The following NAV2 variants were observed in gnomAD, a reference collection of about 807,000 sequenced individuals.
NAV2 encodes the protein helicase, APC down-regulated 1.
Under a neutral mutation model 223.2 loss-of-function variants are expected in NAV2, and 54 were observed. That is an observed-to-expected ratio of 0.24 (90% CI 0.19 to 0.30). NAV2 has a LOEUF of 0.30. NAV2 is among the 10% of genes least tolerant of loss of function. NAV2 has a pLI of 1.00. For synonymous variants in NAV2, 1,279 were observed against 1,239.3 expected (o/e 1.03, Z -0.67); for missense variants, 2,806 against 3,147.5 (o/e 0.89, Z 2.60).
rs1290373227 is a variant in NAV2 at position 20,119,244 on chromosome 11, G to T, written c.*986G>T. 1 of 151,880 alleles carries T rather than the reference G, an allele frequency of 6.6e-6. No individual in the cohort carries two copies. Among genetic ancestry groups the T allele is most frequent in the Admixed American group, 6.6e-5 (1 of 15,238 alleles). The allele number at this position is 151,880 out of a possible 1,614,324, so 9.4% of individuals were successfully genotyped here. ...CAATCCTTTGGTGAAAGTAAGAACC[G>T]CAGGAGTTGAGTTTTGGTTTGGTCC... On this transcript the variant is annotated 3_prime_UTR_variant, in exon 38 of 38. Transcript: ENST00000349880.
chr11:19,471,045 A>G (rs994859662), intron 1 of NAV2, among the ~76,000 whole-genome samples: 2 of 152,156 alleles, frequency 1.3e-5, no homozygotes, highest in South Asian at 4.2e-4. Flanking sequence ...TCTCTTTCTA[A>G]TGAAGGACCA....
intron 22 of NAV2, among the ~76,000 whole-genome samples, chr11:20,074,851 G>T (rs2059627169): frequency 6.8e-6 from 1 of 146,272 alleles, no homozygotes; most frequent in African/African-American, 2.6e-5. Flanking sequence ...CGTGAGATGG[G>T]TCTCCTGAAT....
chr11:19,685,517 G>T (rs1467162983), intron 1 of NAV2, among the ~76,000 whole-genome samples: 1 of 152,168 alleles, frequency 6.6e-6, no homozygotes, highest in Non-Finnish European at 1.5e-5. Flanking sequence ...AGAGGAGGAA[G>T]GGTAACAGAT....
At chr11:19,963,804 A>C (rs543235856) in intron 10 of NAV2, among the ~76,000 whole-genome samples, 1 of 152,362 alleles carries the variant, frequency 6.6e-6, no homozygotes, top group African/African-American at 2.4e-5. Flanking sequence ...TGCGTGCTGG[A>C]AATGAAAACC....
At chr11:19,921,718 G>A (rs768927000) in intron 6 of NAV2, among the ~76,000 whole-genome samples, 1 of 152,106 alleles carries the variant, frequency 6.6e-6, no homozygotes, top group Non-Finnish European at 1.5e-5. Context: ...GCTCTAATCT[G>A]TTCGATCTTG....
chr11:19,852,184 G>A (rs1414666317), intron 3 of NAV2, among the ~76,000 whole-genome samples: 1 of 152,202 alleles, frequency 6.6e-6, no homozygotes, highest in Non-Finnish European at 1.5e-5. Flanking sequence ...AAGCCACTAA[G>A]TTTGTGGTTA....
rs923898112 is a variant in NAV2 at position 19,614,623 on chromosome 11, A to G, written c.76-217861A>G. ...CCAATGTCCATAGTTCACATTAGGG[A>G]TCACTCTTGGTGTCCTGCTGTCTTT... On this transcript the variant is annotated intron_variant, in intron 1 of 37. Coordinates refer to the NAV2 transcript ENST00000360655. Among the ~76,000 whole-genome samples, 3 of 152,126 alleles carry G rather than the reference A, an allele frequency of 2.0e-5. No homozygotes were observed. The East Asian group carries it at 5.8e-4, about 29-fold the overall frequency.
chr11:20,014,214 C>T (rs1490905851), intron 11 of NAV2, among the ~76,000 whole-genome samples: 1 of 152,202 alleles, frequency 6.6e-6, no homozygotes, highest in East Asian at 1.9e-4. Flanking sequence ...AGCCACCTGT[C>T]CCTCTCCCTC....
chr11:19,968,945 G>T (rs964156372), intron 10 of NAV2, among the ~76,000 whole-genome samples: 1 of 152,048 alleles, frequency 6.6e-6, no homozygotes, highest in African/African-American at 2.4e-5. Context: ...CCGCAGGCTG[G>T]CTGGGTTGCC....
intron 10 of NAV2, among the ~76,000 whole-genome samples, chr11:19,955,514 T>A (rs1224615896): frequency 1.3e-5 from 2 of 152,240 alleles, no homozygotes; most frequent in Non-Finnish European, 2.9e-5. Flanking sequence ...TAGCCACATG[T>A]CTTTCTTCTT....
At chr11:19,362,431 C>T (rs1854007969) in intron 1 of NAV2, among the ~76,000 whole-genome samples, 1 of 152,022 alleles carries the variant, frequency 6.6e-6, no homozygotes, top group Non-Finnish European at 1.5e-5. Flanking sequence ...TTTTGATGAG[C>T]TACTTATTTT....
At chr11:19,673,226 T>A (rs1170223986) in intron 1 of NAV2, among the ~76,000 whole-genome samples, 1 of 152,048 alleles carries the variant, frequency 6.6e-6, no homozygotes, top group Non-Finnish European at 1.5e-5. Flanking sequence ...AGAACCAGGA[T>A]GCTAGAGATG....
At chr11:19,461,355 C>T (rs567929843) in intron 1 of NAV2, among the ~76,000 whole-genome samples, 47 of 152,294 alleles carry the variant, frequency 3.1e-4, no homozygotes, top group Non-Finnish European at 5.9e-4. Context: ...TTATAACTTT[C>T]GGAGGGATTT....
chr11:19,969,394 A>G (rs1274222904), intron 10 of NAV2, among the ~76,000 whole-genome samples: 1 of 152,132 alleles, frequency 6.6e-6, no homozygotes, highest in Non-Finnish European at 1.5e-5. Flanking sequence ...ATCATTGTCT[A>G]CTATTGATAG....
rs137859432 is a variant in NAV2, at chr11:19,916,726, G to C, written c.932-16450G>C. On this transcript the variant is annotated intron_variant, in intron 6 of 37. Transcript: ENST00000349880. ...CTGGACAATAAATATTTTGGACTTC[G>C]AGGGCCATGGGGTCTCTGGTGCAGC... 2.0e-5 allele frequency among the ~76,000 whole-genome samples: 3 copies of C among 152,340 alleles called. No individual in the cohort carries two copies. In the East Asian group the frequency reaches 5.8e-4, roughly 29 times the overall value.
At chr11:19,993,883 G>A (rs2051592302) in intron 11 of NAV2, among the ~76,000 whole-genome samples, 1 of 152,230 alleles carries the variant, frequency 6.6e-6, no homozygotes, top group African/African-American at 2.4e-5. Flanking sequence ...AATTTACTGA[G>A]CACCTACTAT....
chr11:19,844,947 T>C (rs920513992), intron 3 of NAV2, among the ~76,000 whole-genome samples: 3 of 152,166 alleles, frequency 2.0e-5, no homozygotes, highest in Admixed American at 6.5e-5. Context: ...TAGTTCAGCG[T>C]ACAGGATGTG....
At chr11:19,934,611 G>A (rs893406370) in intron 7 of NAV2, among the ~76,000 whole-genome samples, 2 of 152,106 alleles carry the variant, frequency 1.3e-5, no homozygotes, top group Admixed American at 6.5e-5. Flanking sequence ...GAGGGTGGGG[G>A]CGGTTTGGTG....
intron 28 of NAV2, among the ~76,000 whole-genome samples, 155 bp from the exon 29 acceptor site, chr11:20,092,944 T>C (rs192288205): frequency 6.6e-6 from 1 of 152,102 alleles, no homozygotes; most frequent in East Asian, 1.9e-4. Context: ...TGTGATTGCA[T>C]TCTCCATTTT....
Sources: gnomAD v4.1 joint callset for allele counts (sites outside exome capture counted in the v4.1 genomes callset) on GRCh38, gnomAD v4.1.1 for gene constraint, MANE v1.5 for transcripts, NCBI Gene and HGNC (gene_info 2026-07-23, HGNC 2026-07-21) for gene names.